The following RRM2B variants were observed in gnomAD, a reference collection of about 807,000 sequenced individuals.
RRM2B encodes the protein ribonucleoside-diphosphate reductase subunit M2 B.
In RRM2B, 20 loss-of-function variants were observed where a neutral mutation model predicts 45.9. That is an observed-to-expected ratio of 0.44 (90% CI 0.31 to 0.63). RRM2B has a LOEUF of 0.63. Among genes scored for constraint, RRM2B ranks in the 30% least tolerant of loss-of-function variants. RRM2B has a pLI of 0.09. For synonymous variants in RRM2B, 124 were observed against 132.3 expected, an observed-to-expected ratio of 0.94 and a Z score of 0.43; for missense variants, 320 against 414.7, an observed-to-expected ratio of 0.77 and a Z score of 1.98.
chr8:102,209,240 G>C (rs1810596207), intron 8 of RRM2B, among the ~76,000 whole-genome samples: 1 of 152,008 alleles, frequency 6.6e-6, no homozygotes, highest in Admixed American at 6.6e-5. Flanking sequence ...TAACAAAAGA[G>C]GATTTCTCAA....
Position 102,215,405 on chromosome 8 carries a change from C to CA in RRM2B, c.685-1248dup, listed in dbSNP as rs553411812. 1.6e-3 allele frequency among the ~76,000 whole-genome samples: 196 copies of CA among 123,026 alleles called. 1 individual carries two copies. The South Asian group carries it at 0.025, about 16-fold the overall frequency. 80.7% of individuals were successfully genotyped at this position (123,026 alleles called of 152,430 possible). ...AGCCTGGGTGACAGTGAGACTGTTT[C>CA]AAAAAAAAAAAAGGAAGAAAGAAGA... On this transcript the variant is annotated intron_variant, in intron 6 of 8. Transcript: ENST00000251810.
At chr8:102,217,539 A>G (rs571651271) in intron 6 of RRM2B, among the ~76,000 whole-genome samples, 1 of 152,262 alleles carries the variant, frequency 6.6e-6, no homozygotes, top group East Asian at 1.9e-4. Context: ...AGTTGAAGAA[A>G]CCAAGGTTCA....
In RRM2B at chr8:102,225,979, T is replaced by A; in HGVS notation, c.260A>T (p.Tyr87Phe). ...HWNKLKADEKYFISHILAFFA... is the reference protein window; with the variant it reads ...HWNKLKADEKFFISHILAFFA... ...AAAGGCTAAGATGTGAGAGATGAAG[T>A]ACTTCTCATCTGCTTTAAGCTTGTT... Residue 87 changes from tyrosine to phenylalanine, a missense_variant, in exon 3 of 9, where the codon TAC (tyrosine) becomes TTC (phenylalanine). By Grantham distance (22) the Tyr-to-Phe change is conservative. Transcript: ENST00000251810. 6.2e-7 allele frequency: 1 copy of A among 1,612,826 alleles called. No homozygotes were observed. The highest frequency in any genetic ancestry group is 1.1e-5 in the South Asian group (1 of 91,050).
At position 102,226,010 on chromosome 8, in the gene RRM2B, G is replaced by A. The variant is rs761426759; in HGVS notation, c.229C>T (p.His77Tyr). 4.3e-6 allele frequency: 7 copies of A among 1,610,422 alleles called. No homozygotes were observed. The highest frequency in any genetic ancestry group is 2.7e-5 in the African/African-American group (2 of 74,828). Residue 77 changes from histidine to tyrosine, a missense_variant, in exon 3 of 9, where the codon CAC becomes TAC. By Grantham distance (83) the His-to-Tyr change is moderately conservative. Transcript: ENST00000251810. ...EEVDLSKDLP[H>Y]WNKLKADEKY... ...TCATCTGCTTTAAGCTTGTTCCAGT[G>A]AGGGAGATCCTTTGATAAGTCGACC...
intron 2 of RRM2B, among the ~76,000 whole-genome samples, chr8:102,230,704 T>C (rs1452824972): frequency 6.6e-6 from 1 of 152,214 alleles, no homozygotes; most frequent in East Asian, 1.9e-4. Flanking sequence ...TGGGTAAAAT[T>C]AGTGTAATAG....
At chr8:102,231,033 T>C (rs992829529) in intron 2 of RRM2B, among the ~76,000 whole-genome samples, 4 of 152,158 alleles carry the variant, frequency 2.6e-5, no homozygotes, top group Non-Finnish European at 4.4e-5. Context: ...TCTTGAAAAA[T>C]AGATTCAAAT....
intron 7 of RRM2B, 35 bp from the exon 8 acceptor site, chr8:102,212,924 C>G (rs1169775515): frequency 1.9e-6 from 2 of 1,029,502 alleles, no homozygotes; most frequent in Admixed American, 3.5e-5. Flanking sequence ...AAAGTACAAA[C>G]AAAACTATAA....
At chr8:102,238,084 A>G (rs1002109489) in intron 1 of RRM2B, among the ~76,000 whole-genome samples, 1 of 152,262 alleles carries the variant, frequency 6.6e-6, no homozygotes, top group African/African-American at 2.4e-5. Flanking sequence ...ACAATCCTAC[A>G]GTCTAACAAA....
chr8:102,208,102 A>G lies in RRM2B; in HGVS notation c.*31T>C. ...AAATAGACTACTATTTACCAATGAC[A>G]AGTTTATAGAGTTTTAAAACGAGAG... On this transcript the variant is annotated 3_prime_UTR_variant, in exon 9 of 9. Transcript: ENST00000251810. 6.3e-7 allele frequency: 1 copy of G among 1,585,080 alleles called. No homozygotes were observed. The highest frequency in any genetic ancestry group is 8.6e-7 in the Non-Finnish European group (1 of 1,156,186).
chr8:102,214,030 A>G, intron 7 of RRM2B, 24 bp downstream of exon 7: 2 of 1,449,742 alleles, frequency 1.4e-6, no homozygotes, highest in Non-Finnish European at 1.9e-6. Context: ...GAGATGTGCT[A>G]ATTACACAAA....
intron 1 of RRM2B, 22 bp downstream of exon 1, chr8:102,238,805 A>T (rs1229004052): frequency 6.2e-7 from 1 of 1,613,572 alleles, no homozygotes; most frequent in South Asian, 1.1e-5. Context: ...GGTGAGGGGG[A>T]AGACGCAACA....
At chr8:102,228,799 T>C (rs564937101) in intron 2 of RRM2B, among the ~76,000 whole-genome samples, 82 of 152,226 alleles carry the variant, frequency 5.4e-4, no homozygotes, top group Non-Finnish European at 4.9e-4. Flanking sequence ...AGCAGCCAGC[T>C]AGCTCCAGCA....
Position 102,219,272 on chromosome 8 carries a change from T to C in RRM2B, c.551-325A>G, listed in dbSNP as rs1810787312. 2.0e-5 allele frequency among the ~76,000 whole-genome samples: 3 copies of C among 152,344 alleles called. No individual in the cohort carries two copies. The South Asian group carries it at 6.2e-4, about 32-fold the overall frequency. ...CTATGAGTGCAGGTACATGCACATG[T>C]GTGCAGTATGTATACATATGTGTGT... On this transcript the variant is annotated intron_variant, in intron 5 of 8. Coordinates refer to ENST00000251810, the MANE Select transcript of RRM2B (RefSeq NM_015713.5).
chr8:102,223,537 A>T (rs1810870716), intron 5 of RRM2B, among the ~76,000 whole-genome samples: 1 of 152,024 alleles, frequency 6.6e-6, no homozygotes, highest in Non-Finnish European at 1.5e-5. Context: ...CTATTAAAAA[A>T]TACAAAAATA....
chr8:102,214,233 G>A, intron 6 of RRM2B, 75 bp from the exon 7 acceptor site: 1 of 982,000 alleles, frequency 1.0e-6, no homozygotes, highest in Non-Finnish European at 1.6e-6. Flanking sequence ...GTCAAGCATT[G>A]TATAAAGTGG....
Position 102,205,378 on chromosome 8 carries a change from T to C in RRM2B, c.*2755A>G, listed in dbSNP as rs1035627482. The C allele has an allele frequency of 2.0e-5, 3 of 152,160 alleles. No homozygotes were observed. Among genetic ancestry groups the C allele is most frequent in the Non-Finnish European group, 2.9e-5 (2 of 68,006 alleles). 9.4% of individuals were successfully genotyped at this position (152,160 alleles called of 1,614,324 possible). ...TGGCAATAGAAAAAGCAGAAAAATATGGATGTTTCTAAATGAGACAATGAG... is the reference window on the plus strand; with the variant it reads ...TGGCAATAGAAAAAGCAGAAAAATACGGATGTTTCTAAATGAGACAATGAG... On this transcript the variant is annotated 3_prime_UTR_variant, in exon 9 of 9. Coordinates refer to ENST00000251810, the MANE Select transcript of RRM2B (RefSeq NM_015713.5).
In RRM2B at chr8:102,238,816, GCAA is replaced by G. The variant is rs1484273090; in HGVS notation, c.48+8_48+10del. On this transcript the variant is annotated splice_region_variant and intron_variant, in intron 1 of 8. Coordinates refer to ENST00000251810, the MANE Select transcript of RRM2B (RefSeq NM_015713.5). ...CTGCGGTGAGGGGGAAGACGCAACA[GCAA>G]CATTTACCTCATCCTGATCCAGCCC... The G allele has an allele frequency of 2.5e-6, 4 of 1,613,682 alleles. No individual in the cohort carries two copies. Among genetic ancestry groups the G allele is most frequent in the Non-Finnish European group, 3.4e-6 (4 of 1,179,934 alleles).
In RRM2B at chr8:102,238,410, A is replaced by G. The variant is rs1330752553; in HGVS notation, c.48+417T>C. On this transcript the variant is annotated intron_variant, in intron 1 of 8. Transcript: ENST00000251810. ...TGTCAATTTCCACACGCGTTCTCCA[A>G]CTCCTTGTCACCATCCCAAATGGTA... is the stretch of plus-strand genomic sequence containing the variant. The G allele has an allele frequency of 1.5e-5, 9 of 597,422 alleles. No individual in the cohort carries two copies. The Admixed American group carries it at 3.3e-4, about 22-fold the overall frequency. The allele number at this position is 597,422 out of a possible 1,614,324, so 37.0% of individuals were successfully genotyped here.
chr8:102,226,029 G>T lies in RRM2B; in HGVS notation c.210C>A (p.Asp70Glu). Residue 70 changes from aspartate (D) to glutamate (E), a missense_variant, in exon 3 of 9, where the codon GAC becomes GAA. Coordinates refer to ENST00000251810, the MANE Select transcript of RRM2B (RefSeq NM_015713.5). ...TCCAGTGAGGGAGATCCTTTGATAA[G>T]TCGACCTGGAATAAAAAGATTTTCA... is the stretch of plus-strand genomic sequence containing the variant. The part of the protein sequence containing the change: ...QASFWTAEEV[D>E]LSKDLPHWNK... 1 of 1,593,230 alleles carries T rather than the reference G, an allele frequency of 6.3e-7. No individual in the cohort carries two copies. Among genetic ancestry groups the T allele is most frequent in the Non-Finnish European group, 8.6e-7 (1 of 1,161,240 alleles).
Sources: allele counts gnomAD v4.1 joint callset (sites outside exome capture counted in the v4.1 genomes callset), GRCh38; gene constraint gnomAD v4.1.1; transcripts MANE v1.5; gene names NCBI Gene and HGNC (gene_info 2026-07-23, HGNC 2026-07-21).